Variants in XPR1 observed in about 807,000 individuals in gnomAD.
XPR1 encodes xenotropic and polytropic retrovirus receptor 1.
XPR1 carries 28 observed loss-of-function variants against 87.5 expected under a neutral mutation model. The observed-to-expected ratio is 0.32, with a 90% CI of 0.24 to 0.44. The LOEUF (loss-of-function observed/expected upper bound fraction) is 0.44, where lower values mean the gene tolerates loss of function less well. XPR1 is among the 20% of genes least tolerant of loss of function. The pLI is 1.00. For synonymous variants in XPR1, 300 were observed against 306.1 expected, an observed-to-expected ratio of 0.98 and a Z score of 0.21; for missense variants, 559 against 862.3, an observed-to-expected ratio of 0.65 and a Z score of 4.41.
At chr1:180,860,671 A>G (rs1012809124) in intron 11 of XPR1, among the ~76,000 whole-genome samples, 5 of 152,120 alleles carry the variant, frequency 3.3e-5, no homozygotes, top group Admixed American at 2.6e-4. Context: ...AGAAGAGAAC[A>G]CAGACTGGTG....
intron 6 of XPR1, among the ~76,000 whole-genome samples, chr1:180,810,035 C>CA (rs1324587060): frequency 6.6e-6 from 1 of 152,004 alleles, no homozygotes; most frequent in South Asian, 2.1e-4. Context: ...TCTCTAACAA[C>CA]AAAAAATTTT....
chr1:180,651,684 T>A (rs950916801), intron 1 of XPR1, among the ~76,000 whole-genome samples: 3 of 152,190 alleles, frequency 2.0e-5, no homozygotes, highest in African/African-American at 7.2e-5. Flanking sequence ...CTGCAGATAA[T>A]GCCTAGTTTA....
intron 1 of XPR1, among the ~76,000 whole-genome samples, chr1:180,640,741 A>G (rs1654936375): frequency 6.6e-6 from 1 of 152,234 alleles, no homozygotes; most frequent in South Asian, 2.1e-4. Flanking sequence ...CAGCTGGTAA[A>G]TAAAGGAACT....
intron 11 of XPR1, among the ~76,000 whole-genome samples, chr1:180,850,413 A>G (rs548254576): frequency 1.3e-5 from 2 of 152,246 alleles, no homozygotes; most frequent in South Asian, 4.1e-4. Flanking sequence ...TATGGAATAC[A>G]TATTGTTATT....
At chr1:180,668,122 T>C (rs1479200705) in intron 1 of XPR1, among the ~76,000 whole-genome samples, 1 of 141,944 alleles carries the variant, frequency 7.0e-6, no homozygotes, top group Non-Finnish European at 1.5e-5. Context: ...TTTCCCTCTA[T>C]CTTTTTTTTT....
intron 2 of XPR1, among the ~76,000 whole-genome samples, chr1:180,753,376 G>A (rs1240404659): frequency 4.0e-5 from 6 of 151,876 alleles, no homozygotes; most frequent in Non-Finnish European, 8.8e-5. Context: ...ACCAGCCTGC[G>A]CAACGTGGTA....
In XPR1 at chr1:180,886,697, G is replaced by A. The variant is rs1002177077; in HGVS notation, c.*2631G>A. ...TCCTCTTAAAGCTGTAAAGAGAAAA[G>A]AGGACTTTTCCTCATCAAGAGAGCT... On this transcript the variant is annotated 3_prime_UTR_variant, in exon 15 of 15. Coordinates refer to ENST00000367590, the MANE Select transcript of XPR1 (RefSeq NM_004736.4). 6.6e-6 allele frequency: 1 copy of A among 152,156 alleles called. No homozygotes were observed. The highest frequency in any genetic ancestry group is 1.5e-5 in the Non-Finnish European group (1 of 68,038). The allele number at this position is 152,156 out of a possible 1,614,324, so 9.4% of individuals were successfully genotyped here.
chr1:180,808,908 T>C (rs1168516590), intron 6 of XPR1, among the ~76,000 whole-genome samples: 1 of 152,214 alleles, frequency 6.6e-6, no homozygotes, highest in African/African-American at 2.4e-5. Flanking sequence ...ACCTGCCATA[T>C]GGTCTAGCTA....
intron 3 of XPR1, among the ~76,000 whole-genome samples, chr1:180,793,360 C>T (rs1225373279): frequency 6.6e-6 from 1 of 151,660 alleles, no homozygotes; most frequent in Non-Finnish European, 1.5e-5. Flanking sequence ...ATTGTTATAC[C>T]ACTAAATGTG....
At chr1:180,696,738 A>AT (rs1557962044) in intron 2 of XPR1, among the ~76,000 whole-genome samples, 1 of 152,140 alleles carries the variant, frequency 6.6e-6, no homozygotes, top group African/African-American at 2.4e-5. Flanking sequence ...GTGTGTGTCT[A>AT]TTGAGATGAG....
chr1:180,863,915 G>A (rs1157998089), intron 12 of XPR1, 41 bp downstream of exon 12: 2 of 1,508,634 alleles, frequency 1.3e-6, no homozygotes, highest in East Asian at 2.3e-5. Flanking sequence ...AACAAACTTA[G>A]GTATACCACT....
chr1:180,646,163 T>TTGTCTAGTTACAGTGCATTCATCATA (rs1655113723), intron 1 of XPR1, among the ~76,000 whole-genome samples: 1 of 152,208 alleles, frequency 6.6e-6, no homozygotes, highest in African/African-American at 2.4e-5. Context: ...TTTCATCCAT[T>TTGTCTAGTTACAGTGCATTCATCATA]TGTCTAGTTA....
At chr1:180,802,030 A>T (rs1368821453) in intron 3 of XPR1, among the ~76,000 whole-genome samples, 1 of 152,062 alleles carries the variant, frequency 6.6e-6, no homozygotes, top group African/African-American at 2.4e-5. Flanking sequence ...TCCTGACCTC[A>T]GGTGATCCAC....
Position 180,888,478 on chromosome 1 carries a change from A to G in XPR1, c.*4412A>G, listed in dbSNP as rs1462281914. 7.9e-6 allele frequency: 1 copy of G among 127,356 alleles called. No individual in the cohort carries two copies. The highest frequency in any genetic ancestry group is 2.8e-5 in the African/African-American group (1 of 36,108). 7.9% of individuals were successfully genotyped at this position (127,356 alleles called of 1,614,324 possible). ...AATTTGTAGCTCTCTCAACTACAAAATCACCACACTTTTCTCAAATCTAAT... is the reference window on the plus strand; with the variant it reads ...AATTTGTAGCTCTCTCAACTACAAAGTCACCACACTTTTCTCAAATCTAAT... On this transcript the variant is annotated 3_prime_UTR_variant, in exon 15 of 15. Coordinates refer to ENST00000367590, the MANE Select transcript of XPR1 (RefSeq NM_004736.4).
At chr1:180,728,744 T>C (rs1454753019) in intron 2 of XPR1, among the ~76,000 whole-genome samples, 3 of 152,206 alleles carry the variant, frequency 2.0e-5, no homozygotes, top group Non-Finnish European at 2.9e-5. Context: ...AAAACCTGGA[T>C]TCGAATACAA....
chr1:180,660,611 C>A (rs1655735277), intron 1 of XPR1, among the ~76,000 whole-genome samples: 1 of 152,168 alleles, frequency 6.6e-6, no homozygotes, highest in African/African-American at 2.4e-5. Flanking sequence ...AGCCACTGGT[C>A]ATTCAGGAGC....
chr1:180,821,335 C>G (rs1195885430), intron 7 of XPR1, among the ~76,000 whole-genome samples: 1 of 152,178 alleles, frequency 6.6e-6, no homozygotes, highest in African/African-American at 2.4e-5. Flanking sequence ...GGTGTTGGCA[C>G]TCATGTTGAA....
intron 11 of XPR1, among the ~76,000 whole-genome samples, chr1:180,839,969 A>G (rs1651444706): frequency 6.6e-6 from 1 of 151,620 alleles, no homozygotes; most frequent in African/African-American, 2.4e-5. Flanking sequence ...CACGCCTGTA[A>G]TCCCAGCACT....
At chr1:180,788,603 T>C (rs889318166) in intron 3 of XPR1, among the ~76,000 whole-genome samples, 3 of 152,108 alleles carry the variant, frequency 2.0e-5, no homozygotes, top group Admixed American at 1.3e-4. Flanking sequence ...TACAGCCTAA[T>C]AGCTGGAATA....
Sources: allele counts gnomAD v4.1 joint callset (sites outside exome capture counted in the v4.1 genomes callset), GRCh38; gene constraint gnomAD v4.1.1; transcripts MANE v1.5; gene names NCBI Gene and HGNC (gene_info 2026-07-23, HGNC 2026-07-21).